Variants in SYNCRIP observed in about 807,000 individuals in gnomAD.
SYNCRIP encodes synaptotagmin binding cytoplasmic RNA interacting protein, also known as heterogeneous nuclear ribonucleoprotein Q.
A neutral mutation model predicts 68.9 loss-of-function variants in SYNCRIP; 9 were observed. The observed-to-expected ratio is 0.13, with a 90% CI of 0.08 to 0.23. SYNCRIP has a LOEUF of 0.23. Among genes scored for constraint, SYNCRIP ranks in the 10% least tolerant of loss-of-function variants. The pLI, the probability that SYNCRIP is intolerant of heterozygous loss-of-function variation, is 1.00. For synonymous variants in SYNCRIP, 258 were observed against 254.0 expected (o/e 1.02, Z -0.15); for missense variants, 414 against 770.6 (o/e 0.54, Z 5.48).
At chr6:85,638,286 T>A (rs373149941) in intron 4 of SYNCRIP, among the ~76,000 whole-genome samples, 1 of 144,588 alleles carries the variant, frequency 6.9e-6, no homozygotes. Flanking sequence ...GGCAGAGAAC[T>A]GCTTAAACGC....
chr6:85,628,489 T>C (rs1307222638), intron 6 of SYNCRIP, among the ~76,000 whole-genome samples: 5 of 152,364 alleles, frequency 3.3e-5, no homozygotes, highest in Admixed American at 3.3e-4. Context: ...TTGTTTTCTA[T>C]GCTTGGCTAA....
chr6:85,626,967 T>C (rs1262744017), intron 6 of SYNCRIP, among the ~76,000 whole-genome samples: 3 of 152,112 alleles, frequency 2.0e-5, no homozygotes, highest in Non-Finnish European at 4.4e-5. Flanking sequence ...CCCACATTTT[T>C]TCAATTAAAA....
At chr6:85,617,101 T>C (rs1295577305) in intron 10 of SYNCRIP, among the ~76,000 whole-genome samples, 1 of 152,024 alleles carries the variant, frequency 6.6e-6, no homozygotes, top group Non-Finnish European at 1.5e-5. Flanking sequence ...AGTTGACTTC[T>C]GAGCCTCAGT....
chr6:85,623,577 A>AC (rs1562087755), intron 7 of SYNCRIP, among the ~76,000 whole-genome samples: 15 of 151,294 alleles, frequency 9.9e-5, no homozygotes, highest in Middle Eastern at 3.4e-3. Flanking sequence ...AAAAAAAAAA[A>AC]AAAAAACACT....
At chr6:85,631,070 C>G (rs1028876406) in intron 6 of SYNCRIP, among the ~76,000 whole-genome samples, 1 of 152,036 alleles carries the variant, frequency 6.6e-6, no homozygotes, top group Admixed American at 6.5e-5. Context: ...TGGCTGGGCA[C>G]GGTGGCTCAC....
downstream of SYNCRIP, chr6:85,613,900 G>C (rs1251541852): frequency 5.5e-6 from 5 of 906,712 alleles, no homozygotes; most frequent in Middle Eastern, 5.6e-4. Flanking sequence ...CAAACCCTTT[G>C]AGACTACCTG....
intron 8 of SYNCRIP, among the ~76,000 whole-genome samples, chr6:85,620,712 T>A (rs959914864): frequency 6.6e-6 from 1 of 152,124 alleles, no homozygotes; most frequent in African/African-American, 2.4e-5. Flanking sequence ...AGGATACTGG[T>A]AGTGAGGAAG....
intron 8 of SYNCRIP, 25 bp downstream of exon 8, chr6:85,622,457 A>C: frequency 3.1e-6 from 5 of 1,610,418 alleles, no homozygotes; most frequent in Non-Finnish European, 4.2e-6. Context: ...CCCTCAAAAA[A>C]TATTTTTAAC....
Position 85,614,818 on chromosome 6 carries a change from A to G in SYNCRIP, c.1810T>C (p.Tyr604His), listed in dbSNP as rs1344439833. 2 of 1,613,208 alleles carry G rather than the reference A, an allele frequency of 1.2e-6. No homozygotes were observed. The highest frequency in any genetic ancestry group is 8.5e-7 in the Non-Finnish European group (1 of 1,179,836). The change falls in exon 11 of 11, where the codon TAT (tyrosine) becomes CAT (histidine). Residue 604 changes from tyrosine to histidine, a missense_variant. Around this residue, in one of 6 missense-constraint regions of SYNCRIP, gnomAD observed 130 missense variants for 149.0 expected, o/e 0.87. Coordinates refer to ENST00000369622, the MANE Select transcript of SYNCRIP (RefSeq NM_006372.5). The stretch of plus-strand genomic sequence containing the variant: ...TCCTGGTTTTCAGATTTGTAACCAT[A>G]GTTACCAGAATGATCACCACCTTGG... ...PLQGGDHSGNYGYKSENQEFY... is the reference protein window; with the variant it reads ...PLQGGDHSGNHGYKSENQEFY...
At chr6:85,635,905 A>G (rs1808389326) in intron 6 of SYNCRIP, among the ~76,000 whole-genome samples, 2 of 152,076 alleles carry the variant, frequency 1.3e-5, no homozygotes, top group African/African-American at 4.8e-5. Flanking sequence ...AAAAAAAATG[A>G]GTCTGAAGAT....
intron 7 of SYNCRIP, among the ~76,000 whole-genome samples, 170 bp from the exon 8 acceptor site, chr6:85,622,857 C>T (rs1050117395): frequency 2.0e-5 from 3 of 152,120 alleles, no homozygotes; most frequent in Non-Finnish European, 2.9e-5. Context: ...GATTATTTTC[C>T]TAATCTGTTT....
rs781181629 is a variant in SYNCRIP, at chr6:85,620,000, A to C, written c.1009-583T>G. On this transcript the variant is annotated intron_variant, in intron 8 of 10. Transcript: ENST00000369622. ...AGTGGCTCACACCCGTAATCCCAGC[A>C]ATTTGGGAGGCTGAGGCGGGCAGAT... is the stretch of plus-strand genomic sequence containing the variant. 1.0e-3 allele frequency among the ~76,000 whole-genome samples: 159 copies of C among 152,310 alleles called. 2 individuals carry two copies. Among genetic ancestry groups the C allele is most frequent in the Non-Finnish European group, 3.4e-4 (23 of 68,020 alleles).
At chr6:85,628,125 A>G (rs576252822) in intron 6 of SYNCRIP, among the ~76,000 whole-genome samples, 143 of 152,050 alleles carry the variant, frequency 9.4e-4, no homozygotes, top group Non-Finnish European at 1.6e-3. Flanking sequence ...ACGCGACTTC[A>G]GCTAACTGCA....
chr6:85,616,323 A>G (rs940723593), intron 10 of SYNCRIP, among the ~76,000 whole-genome samples: 1 of 151,824 alleles, frequency 6.6e-6, no homozygotes, highest in Non-Finnish European at 1.5e-5. Flanking sequence ...CTGTTATGTT[A>G]TTTTATTTAT....
At chr6:85,626,093 T>C (rs554526620) in intron 6 of SYNCRIP, among the ~76,000 whole-genome samples, 4 of 152,372 alleles carry the variant, frequency 2.6e-5, no homozygotes, top group African/African-American at 9.6e-5. Flanking sequence ...AGCATTCATG[T>C]CTTTCTCTTC....
upstream of SYNCRIP, chr6:85,643,093 TACC>T (rs200487128): frequency 3.0e-3 from 424 of 143,352 alleles, 4 homozygotes; most frequent in African/African-American, 0.01. Flanking sequence ...CTTCTCCCCC[TACC>T]ACCACCACCA....
chr6:85,630,720 T>C (rs1807671083), intron 6 of SYNCRIP, among the ~76,000 whole-genome samples: 1 of 152,144 alleles, frequency 6.6e-6, no homozygotes, highest in Non-Finnish European at 1.5e-5. Context: ...ATGAGTTACA[T>C]AAGAATATTA....
At chr6:85,611,727 T>G (rs1368071015), downstream of SYNCRIP, 1 of 152,498 alleles carries the variant, frequency 6.6e-6, no homozygotes, top group African/African-American at 2.4e-5. Flanking sequence ...CTCTACAAGT[T>G]ATCATGACCT....
Position 85,618,896 on chromosome 6 carries a change from A to G in SYNCRIP, c.1202T>C (p.Ile401Thr). The part of the protein sequence containing the change: ...MNGKDLEGEN[I>T]EIVFAKPPDQ... ...TGGTGGCTTGGCAAAAACAATTTCA[A>G]TATTTTCTCCCTCCAAGTCTTTGCC... The change falls in exon 10 of 11, where the codon ATT becomes ACT. Residue 401 changes from isoleucine to threonine, a missense_variant. Around this residue, in one of 6 missense-constraint regions of SYNCRIP, gnomAD observed 51 missense variants for 151.1 expected, o/e 0.34. Coordinates refer to ENST00000369622, the MANE Select transcript of SYNCRIP (RefSeq NM_006372.5). 1 of 1,613,158 alleles carries G rather than the reference A, an allele frequency of 6.2e-7. No individual in the cohort carries two copies. The highest frequency in any genetic ancestry group is 8.5e-7 in the Non-Finnish European group (1 of 1,179,548).
Sources: gnomAD v4.1 joint callset for allele counts (sites outside exome capture counted in the v4.1 genomes callset) on GRCh38, gnomAD v4.1.1 for gene constraint, gnomAD v4.1.1 regional missense constraint, MANE v1.5 for transcripts, NCBI Gene and HGNC (gene_info 2026-07-23, HGNC 2026-07-21) for gene names.